The following SAXO1 variants were observed in gnomAD, a reference collection of about 807,000 sequenced individuals.
SAXO1 encodes the protein 4930500O09Rik.
A neutral mutation model predicts 17.5 loss-of-function variants in SAXO1; 21 were observed. The ratio of observed to expected loss-of-function variants is 1.20; its 90% CI spans 0.85 to 1.72. The LOEUF (loss-of-function observed/expected upper bound fraction) is 1.72, where lower values mean the gene tolerates loss of function less well. Ranked by LOEUF, SAXO1 falls within the 40% of genes most tolerant of loss-of-function variation. The probability of loss-of-function intolerance (pLI) is 0.00; values close to 1 mark genes in which losing one functional copy is unlikely to be tolerated. For missense variants in SAXO1, 843 were observed against 596.0 expected (o/e 1.41, Z -4.32); for synonymous variants, 274 against 216.5 (o/e 1.27, Z -2.33).
intron 1 of SAXO1, among the ~76,000 whole-genome samples, chr9:19,003,781 C>T (rs922328731): frequency 7.2e-5 from 11 of 152,068 alleles, no homozygotes; most frequent in African/African-American, 2.4e-4. Context: ...GACCTAAAAC[C>T]ATAAAAACCC....
intron 1 of SAXO1, among the ~76,000 whole-genome samples, chr9:18,958,847 T>C (rs1028071245): frequency 8.0e-6 from 1 of 125,688 alleles, no homozygotes; most frequent in Non-Finnish European, 1.8e-5. Context: ...CATAAAAATA[T>C]GAATGAAGTT....
chr9:18,997,744 C>T (rs1242466888), intron 1 of SAXO1, among the ~76,000 whole-genome samples: 3 of 152,118 alleles, frequency 2.0e-5, no homozygotes, highest in Non-Finnish European at 2.9e-5. Flanking sequence ...AGGTGGGTGC[C>T]GATCAAGGAT....
At chr9:18,960,047 G>T (rs1588442457) in intron 1 of SAXO1, among the ~76,000 whole-genome samples, 1 of 152,210 alleles carries the variant, frequency 6.6e-6, no homozygotes, top group Admixed American at 6.5e-5. Flanking sequence ...CAGAGCTGAG[G>T]GATGGGAGAG....
chr9:19,019,706 G>A (rs1835144246), intron 1 of SAXO1, among the ~76,000 whole-genome samples: 1 of 152,008 alleles, frequency 6.6e-6, no homozygotes, highest in Non-Finnish European at 1.5e-5. Flanking sequence ...CCCCAGCCTC[G>A]GCGACAGTGA....
At chr9:19,004,651 G>A (rs1281486866) in intron 1 of SAXO1, among the ~76,000 whole-genome samples, 1 of 152,150 alleles carries the variant, frequency 6.6e-6, no homozygotes. Context: ...TCACTCACAA[G>A]TGGGAGTTGA....
chr9:18,939,221 T>C (rs1831445568), intron 3 of SAXO1, among the ~76,000 whole-genome samples: 1 of 152,356 alleles, frequency 6.6e-6, no homozygotes, highest in African/African-American at 2.4e-5. Context: ...TCAATGTCTG[T>C]GCTGCCTTAT....
At chr9:19,024,495 A>G (rs1009882423) in intron 1 of SAXO1, among the ~76,000 whole-genome samples, 7 of 152,150 alleles carry the variant, frequency 4.6e-5, no homozygotes, top group Non-Finnish European at 7.3e-5. Flanking sequence ...CTAATGCTAA[A>G]TGACGAGTTA....
At chr9:18,994,428 A>C (rs1563968319) in intron 1 of SAXO1, among the ~76,000 whole-genome samples, 1 of 152,194 alleles carries the variant, frequency 6.6e-6, no homozygotes, top group Non-Finnish European at 1.5e-5. Flanking sequence ...CTGTAAAATT[A>C]TTTATTAGTT....
chr9:19,001,473 C>G (rs983504561), intron 1 of SAXO1, among the ~76,000 whole-genome samples: 1 of 152,096 alleles, frequency 6.6e-6, no homozygotes, highest in Non-Finnish European at 1.5e-5. Flanking sequence ...TGAGACCATC[C>G]TGGCTACCAC....
At chr9:18,983,243 A>T (rs1833469106) in intron 1 of SAXO1, among the ~76,000 whole-genome samples, 1 of 152,206 alleles carries the variant, frequency 6.6e-6, no homozygotes, top group South Asian at 2.1e-4. Flanking sequence ...AAATCATGGC[A>T]GAAGGTGAAG....
Position 18,989,835 on chromosome 9 carries a change from A to C in SAXO1, c.39-38898T>G, listed in dbSNP as rs111566275. Among the ~76,000 whole-genome samples, 737 of 152,346 alleles carry C rather than the reference A, an allele frequency of 4.8e-3. 7 individuals are homozygous for C. The highest frequency in any genetic ancestry group is 0.017 in the African/African-American group (705 of 41,578). On this transcript the variant is annotated intron_variant, in intron 1 of 3. Coordinates refer to ENST00000380534, the MANE Select transcript of SAXO1 (RefSeq NM_153707.4). The stretch of plus-strand genomic sequence containing the variant: ...TAAGCTGTTTACCTGTCCAAGAGGA[A>C]CTTCAACATCATGAGTGAAGTGGCC...
At chr9:19,035,502 G>A (rs1382752794), upstream of SAXO1, among the ~76,000 whole-genome samples, 2 of 152,198 alleles carry the variant, frequency 1.3e-5, no homozygotes, top group Admixed American at 1.3e-4. Context: ...ATTGGTACCA[G>A]CAGAGTGGGA....
chr9:19,024,988 G>A (rs1350602958), intron 1 of SAXO1, among the ~76,000 whole-genome samples: 1 of 152,052 alleles, frequency 6.6e-6, no homozygotes, highest in East Asian at 1.9e-4. Flanking sequence ...TGCTGTAATT[G>A]GAATATGAAG....
intron 1 of SAXO1, among the ~76,000 whole-genome samples, chr9:19,018,240 A>G (rs899406951): frequency 1.3e-5 from 2 of 151,772 alleles, no homozygotes; most frequent in African/African-American, 4.8e-5. Flanking sequence ...TTATTGTACT[A>G]TATCATGTAA....
chr9:18,955,284 A>AAAT (rs35821366), intron 1 of SAXO1, among the ~76,000 whole-genome samples: 122,616 of 151,936 alleles, frequency 0.81, 49,699 homozygotes, highest in African/African-American at 0.87. Flanking sequence ...AATATACCTA[A>AAAT]ATTATCATTT....
chr9:19,024,012 C>CTTT (rs71333077), intron 1 of SAXO1, among the ~76,000 whole-genome samples: 681 of 38,156 alleles, frequency 0.018, 33 homozygotes, highest in African/African-American at 0.021. Flanking sequence ...CTCTTTAAGG[C>CTTT]TTTTTTTTTT....
chr9:19,027,748 G>A, intron 1 of SAXO1: 1 of 1,481,174 alleles, frequency 6.8e-7, no homozygotes. Flanking sequence ...GGGACCGAGA[G>A]GTGCAGAGGA....
At chr9:19,034,053 C>G (rs141820316), upstream of SAXO1, among the ~76,000 whole-genome samples, 39 of 152,304 alleles carry the variant, frequency 2.6e-4, no homozygotes, top group East Asian at 4.0e-3. Context: ...CCAGGTGATT[C>G]TGGTCATGAA....
intron 1 of SAXO1, among the ~76,000 whole-genome samples, chr9:18,986,865 T>C (rs920221534): frequency 1.3e-5 from 2 of 152,202 alleles, no homozygotes; most frequent in African/African-American, 4.8e-5. Flanking sequence ...AAGGGCATTG[T>C]TTTAATAAAA....
Sources: gnomAD v4.1 joint callset for allele counts (sites outside exome capture counted in the v4.1 genomes callset) on GRCh38, gnomAD v4.1.1 for gene constraint, MANE v1.5 for transcripts, NCBI Gene and HGNC (gene_info 2026-07-23, HGNC 2026-07-21) for gene names.